Variants in PRUNE2 observed in about 807,000 individuals in gnomAD.
PRUNE2 encodes the protein prune homolog 2 with BCH domain, also known as protein prune homolog 2.
A neutral mutation model predicts 252.0 loss-of-function variants in PRUNE2; 164 were observed. That is an observed-to-expected ratio of 0.65 (90% CI 0.57 to 0.74). The LOEUF (loss-of-function observed/expected upper bound fraction) is 0.74, where lower values mean the gene tolerates loss of function less well. Ranked by LOEUF, PRUNE2 falls within the 30% of genes least tolerant of loss-of-function variation. The pLI, the probability that PRUNE2 is intolerant of heterozygous loss-of-function variation, is 0.00. For synonymous variants in PRUNE2, 1,292 were observed against 1,350.2 expected (o/e 0.96, Z 0.94); for missense variants, 3,495 against 3,711.0 (o/e 0.94, Z 1.51).
intron 6 of PRUNE2, among the ~76,000 whole-genome samples, chr9:76,805,548 T>C (rs967241620): frequency 1.3e-5 from 2 of 152,116 alleles, no homozygotes; most frequent in Non-Finnish European, 2.9e-5. Flanking sequence ...TGCGCCATGA[T>C]AGTATCACTG....
chr9:76,616,366 ATTTGATTCT>A (rs1228809933), intron 18 of PRUNE2, among the ~76,000 whole-genome samples: 1 of 152,206 alleles, frequency 6.6e-6, no homozygotes, highest in Admixed American at 6.5e-5. Flanking sequence ...GTGATTGGAA[ATTTGATTCT>A]TTCTCTCACG....
At chr9:76,742,342 G>C (rs1022629368) in intron 6 of PRUNE2, among the ~76,000 whole-genome samples, 3 of 152,146 alleles carry the variant, frequency 2.0e-5, no homozygotes, top group Non-Finnish European at 4.4e-5. Flanking sequence ...GGCTGGGCAT[G>C]GTGGCTCGTG....
chr9:76,842,989 G>T (rs2059474147), intron 4 of PRUNE2, among the ~76,000 whole-genome samples: 1 of 151,972 alleles, frequency 6.6e-6, no homozygotes, highest in Non-Finnish European at 1.5e-5. Flanking sequence ...TATACCCAAA[G>T]GATTATAAAT....
At chr9:76,731,301 TC>T (rs2048559823) in intron 6 of PRUNE2, among the ~76,000 whole-genome samples, 1 of 47,812 alleles carries the variant, frequency 2.1e-5, no homozygotes, top group Non-Finnish European at 4.7e-5. Flanking sequence ...TATCTATCTA[TC>T]TATCTATCTA....
At position 76,654,671 on chromosome 9, in the gene PRUNE2, T is replaced by C. The variant is rs753163277; in HGVS notation, c.8356+752A>G. On this transcript the variant is annotated intron_variant, in intron 10 of 18. Coordinates refer to ENST00000376718, the MANE Select transcript of PRUNE2 (RefSeq NM_015225.3). ...AGTGCCTTTATCATTCAAAAGTACA[T>C]TGTGAACTTGGAAGATTCAAATAAA... Among the ~76,000 whole-genome samples, 19 of 152,326 alleles carry C rather than the reference T, an allele frequency of 1.2e-4. 1 individual carries two copies. The highest frequency in any genetic ancestry group is 3.4e-3 in the Middle Eastern group (1 of 294).
intron 16 of PRUNE2, chr9:76,625,053 T>C: frequency 7.7e-7 from 1 of 1,303,228 alleles, no homozygotes; most frequent in South Asian, 1.2e-5. Context: ...TCTCTCTTCA[T>C]CGTACCTTAC....
At chr9:76,637,620 A>T (rs767239994) in intron 13 of PRUNE2, 71 bp from the exon 14 acceptor site, 31 of 1,387,250 alleles carry the variant, frequency 2.2e-5, no homozygotes, top group Non-Finnish European at 3.1e-5. Context: ...CATAACATCA[A>T]AAGTACAGGG....
At chr9:76,714,827 A>G (rs1350867237) in intron 6 of PRUNE2, among the ~76,000 whole-genome samples, 1 of 152,192 alleles carries the variant, frequency 6.6e-6, no homozygotes, top group African/African-American at 2.4e-5. Context: ...TTGTTCAAGA[A>G]ATGTTTGTCG....
intron 9 of PRUNE2, among the ~76,000 whole-genome samples, chr9:76,678,439 G>C (rs2043015004): frequency 6.6e-6 from 1 of 150,526 alleles, no homozygotes. Flanking sequence ...AAGAAAAAAT[G>C]AAAAGAAGAA....
rs181440548 is a variant in PRUNE2 at position 76,870,547 on chromosome 9, G to A, written c.37-16339C>T. ...AAAAATACAAAAAAATTAGCTGGGC[G>A]TGGTAGCGGGTGCCTGTGGTCCCAC... On this transcript the variant is annotated intron_variant, in intron 1 of 18. Coordinates refer to ENST00000376718, the MANE Select transcript of PRUNE2 (RefSeq NM_015225.3). Among the ~76,000 whole-genome samples, 16 of 152,146 alleles carry A rather than the reference G, an allele frequency of 1.1e-4. No homozygotes were observed. In the East Asian group the frequency reaches 1.9e-3, roughly 18 times the overall value.
chr9:76,742,926 C>T (rs545696411), intron 6 of PRUNE2, among the ~76,000 whole-genome samples: 5 of 152,288 alleles, frequency 3.3e-5, no homozygotes, highest in Middle Eastern at 3.4e-3. Context: ...ACCCAAATCT[C>T]ATCTTGAATT....
At chr9:76,653,769 G>A (rs1346555377) in intron 10 of PRUNE2, among the ~76,000 whole-genome samples, 1 of 151,996 alleles carries the variant, frequency 6.6e-6, no homozygotes, top group African/African-American at 2.4e-5. Context: ...ACTCACCCAA[G>A]CAGTCACCAG....
chr9:76,684,447 T>TC (rs1402959843), intron 9 of PRUNE2, among the ~76,000 whole-genome samples: 3 of 152,198 alleles, frequency 2.0e-5, no homozygotes, highest in Non-Finnish European at 4.4e-5. Context: ...GTCCCTGTGC[T>TC]CCCTTCCTGT....
In PRUNE2 at chr9:76,644,878, C is replaced by T. The variant is rs1001911763; in HGVS notation, c.8589G>A (p.Glu2863=). Residue 2863 remains glutamate, a synonymous_variant, in exon 12 of 19, where the codon GAG becomes GAA. Transcript: ENST00000376718. ...DPTANKDSGQ[E]SESIPEYTAE... The stretch of plus-strand genomic sequence containing the variant: ...CCGTATATTCTGGAATAGACTCTGA[C>T]TCTTGGCCAGAATCTTTGTTGGCTG... The T allele has an allele frequency of 6.2e-7, 1 of 1,613,850 alleles. No individual in the cohort carries two copies. Among genetic ancestry groups the T allele is most frequent in the Non-Finnish European group, 8.5e-7 (1 of 1,179,816 alleles).
intron 4 of PRUNE2, among the ~76,000 whole-genome samples, chr9:76,829,875 T>A (rs2132080422): frequency 6.6e-6 from 1 of 152,208 alleles, no homozygotes; most frequent in East Asian, 1.9e-4. Flanking sequence ...TATACACTAT[T>A]CAGCCATCCA....
intron 1 of PRUNE2, among the ~76,000 whole-genome samples, chr9:76,883,868 C>T (rs1377954203): frequency 6.6e-6 from 1 of 152,190 alleles, no homozygotes; most frequent in African/African-American, 2.4e-5. Flanking sequence ...TGCCTTGTGA[C>T]TTGCTTTGGC....
Position 76,710,965 on chromosome 9 carries a change from G to A in PRUNE2, c.1309C>T (p.Arg437Cys). Residue 437 changes from arginine (R) to cysteine (C), a missense_variant, in exon 8 of 19, where the codon CGC (arginine) becomes TGC (cysteine). By Grantham distance (180) the Arg-to-Cys change is radical. Coordinates refer to ENST00000376718, the MANE Select transcript of PRUNE2 (RefSeq NM_015225.3). ...DSGLATIRSSRSSKESSVFLS... is the reference protein window; with the variant it reads ...DSGLATIRSSCSSKESSVFLS... ...AAAACAGAGCTCTCCTTGGATGAGC[G>A]GCTGCTCCTAATGGTAGCCAGTCCG... 6.2e-7 allele frequency: 1 copy of A among 1,602,628 alleles called. No individual in the cohort carries two copies. The highest frequency in any genetic ancestry group is 8.5e-7 in the Non-Finnish European group (1 of 1,174,060).
chr9:76,885,282 C>T lies in PRUNE2; in HGVS notation c.36+20646G>A, dbSNP rs1539611. 8.7e-3 allele frequency among the ~76,000 whole-genome samples: 1,319 copies of T among 152,320 alleles called. 21 individuals carry two copies. The highest frequency in any genetic ancestry group is 0.029 in the African/African-American group (1,225 of 41,580). On this transcript the variant is annotated intron_variant, in intron 1 of 18. Transcript: ENST00000376718. ...AGGGACACCAAACTAGGCCATTCTT[C>T]CTTTCAATTTAGGGTTTGTTTTATA...
rs1222584720 is a variant in PRUNE2, at chr9:76,710,628, T to C, written c.1646A>G (p.Tyr549Cys). Residue 549 changes from tyrosine (Y) to cysteine (C), a missense_variant, in exon 8 of 19, where the codon TAT becomes TGT. Transcript: ENST00000376718. ...CCCTGACAAAAGTGAACTGGATGAA[T>C]AATTAGACATGTTGGTTCCCATGCC... Reference protein sequence around the residue: ...LDGMGTNMSNYSSSSLLSGAG... With the variant: ...LDGMGTNMSNCSSSSLLSGAG... 6.2e-7 allele frequency: 1 copy of C among 1,613,356 alleles called. No individual in the cohort carries two copies.
Sources: gnomAD v4.1 joint callset for allele counts (sites outside exome capture counted in the v4.1 genomes callset) on GRCh38, gnomAD v4.1.1 for gene constraint, MANE v1.5 for transcripts, NCBI Gene and HGNC (gene_info 2026-07-23, HGNC 2026-07-21) for gene names.